Variants in ERC2 observed in about 807,000 individuals in gnomAD.
The protein encoded by ERC2 is ELKS/RAB6-interacting/CAST family member 2.
Under a neutral mutation model 114.8 loss-of-function variants are expected in ERC2, and 42 were observed. The ratio of observed to expected loss-of-function variants is 0.37; its 90% CI spans 0.29 to 0.47. ERC2 has a LOEUF of 0.47. Ranked by LOEUF, ERC2 falls within the 20% of genes least tolerant of loss-of-function variation. The pLI is 0.99. For missense variants in ERC2, 939 were observed against 1,150.7 expected (o/e 0.82, Z 2.66); for synonymous variants, 454 against 425.5 (o/e 1.07, Z -0.82).
At chr3:56,027,225 A>G (rs2074105382) in intron 7 of ERC2, among the ~76,000 whole-genome samples, 1 of 152,026 alleles carries the variant, frequency 6.6e-6, no homozygotes, top group African/African-American at 2.4e-5. Flanking sequence ...GCTGAAGGAC[A>G]TTTCAGTTGT....
At chr3:55,520,433 C>A (rs1377555675) in intron 17 of ERC2, among the ~76,000 whole-genome samples, 813 of 109,244 alleles carry the variant, frequency 7.4e-3, no homozygotes, top group East Asian at 0.011. Context: ...GACTCTGTCT[C>A]AAAAAAAAAA....
At chr3:55,923,092 G>A (rs2316116) in intron 13 of ERC2, among the ~76,000 whole-genome samples, 1 of 151,904 alleles carries the variant, frequency 6.6e-6, no homozygotes, top group African/African-American at 2.4e-5. Flanking sequence ...CTGTTCATAG[G>A]AGCATGATTC....
intron 14 of ERC2, among the ~76,000 whole-genome samples, chr3:55,844,352 G>T (rs1337276123): frequency 6.6e-6 from 1 of 152,124 alleles, no homozygotes; most frequent in African/African-American, 2.4e-5. Flanking sequence ...ATTGAAGAAT[G>T]GAATACAACA....
In ERC2 at chr3:56,080,484, A is replaced by C. The variant is rs2077179555; in HGVS notation, c.1641+333T>G. Among the ~76,000 whole-genome samples, 2 of 152,192 alleles carry C rather than the reference A, an allele frequency of 1.3e-5. 1 individual carries two copies. Among genetic ancestry groups the C allele is most frequent in the South Asian group, 4.1e-4 (2 of 4,832 alleles). On this transcript the variant is annotated intron_variant, in intron 7 of 17. Transcript: ENST00000288221. Reference sequence around the variant, plus strand: ...TAAAATACATTCAGGACCCACAAATACATTGCTAACTCTCAGGAAGAAAAA... The same window carrying C: ...TAAAATACATTCAGGACCCACAAATCCATTGCTAACTCTCAGGAAGAAAAA...
chr3:56,314,541 G>A (rs984124255), intron 2 of ERC2, among the ~76,000 whole-genome samples: 1 of 152,054 alleles, frequency 6.6e-6, no homozygotes, highest in African/African-American at 2.4e-5. Flanking sequence ...GTTTGGCTGT[G>A]TCTATACAAA....
intron 17 of ERC2, among the ~76,000 whole-genome samples, chr3:55,591,498 A>G (rs1240885385): frequency 1.3e-5 from 2 of 152,074 alleles, no homozygotes; most frequent in East Asian, 3.9e-4. Flanking sequence ...GGGCGAAGGC[A>G]GGGCTTGGAA....
intron 17 of ERC2, among the ~76,000 whole-genome samples, chr3:55,591,657 C>T (rs780079475): frequency 1.3e-4 from 19 of 151,784 alleles, no homozygotes; most frequent in Non-Finnish European, 2.6e-4. Flanking sequence ...AACCAAACAT[C>T]CGCAATGAGG....
At chr3:56,374,729 A>T (rs2059477381) in intron 2 of ERC2, among the ~76,000 whole-genome samples, 1 of 152,212 alleles carries the variant, frequency 6.6e-6, no homozygotes, top group African/African-American at 2.4e-5. Flanking sequence ...GACAGAAGGC[A>T]GGAAAGAAGA....
intron 14 of ERC2, among the ~76,000 whole-genome samples, chr3:55,846,931 T>C (rs1156697368): frequency 6.6e-6 from 1 of 152,196 alleles, no homozygotes; most frequent in East Asian, 1.9e-4. Context: ...CACTGCTTCA[T>C]ACATCTGCCT....
chr3:55,714,150 G>T (rs529606965), intron 15 of ERC2, among the ~76,000 whole-genome samples: 1 of 152,238 alleles, frequency 6.6e-6, no homozygotes, highest in South Asian at 2.1e-4. Flanking sequence ...TTCTGGAGGT[G>T]GGTAAAATTC....
At chr3:55,768,156 T>C (rs1468995971) in intron 14 of ERC2, among the ~76,000 whole-genome samples, 3 of 152,356 alleles carry the variant, frequency 2.0e-5, no homozygotes, top group Non-Finnish European at 4.4e-5. Context: ...TGGTACAGCC[T>C]GCAAAACCAT....
intron 11 of ERC2, among the ~76,000 whole-genome samples, chr3:55,991,195 A>G (rs2071033136): frequency 6.6e-6 from 1 of 152,184 alleles, no homozygotes; most frequent in Non-Finnish European, 1.5e-5. Flanking sequence ...AGGGCCTCAC[A>G]AGTGTCTCGA....
chr3:55,699,265 T>A, intron 16 of ERC2, 113 bp downstream of exon 16: 1 of 1,363,058 alleles, frequency 7.3e-7, no homozygotes, highest in South Asian at 1.2e-5. Flanking sequence ...TTAGTTTCAG[T>A]TCAAAGAACG....
At chr3:55,745,731 A>G (rs1559587669) in intron 14 of ERC2, among the ~76,000 whole-genome samples, 2 of 152,182 alleles carry the variant, frequency 1.3e-5, no homozygotes, top group Admixed American at 6.5e-5. Context: ...AACTAAACCT[A>G]TTGTCCATGG....
At chr3:56,103,892 G>A (rs1386666650) in intron 6 of ERC2, among the ~76,000 whole-genome samples, 1 of 152,224 alleles carries the variant, frequency 6.6e-6, no homozygotes, top group South Asian at 2.1e-4. Context: ...TAGAAGAGGT[G>A]AGAAGATACA....
In ERC2 at chr3:56,384,862, T is replaced by C. The variant is rs73832724; in HGVS notation, c.657+49489A>G. Among the ~76,000 whole-genome samples, 685 of 152,290 alleles carry C rather than the reference T, an allele frequency of 4.5e-3. 5 individuals carry two copies. Among genetic ancestry groups the C allele is most frequent in the African/African-American group, 0.016 (650 of 41,578 alleles). Reference sequence around the variant, plus strand: ...GATCTATTTTAATTTTCATATATGATATAAGGTAAGGGTCCAACCTCATTA... The same window carrying C: ...GATCTATTTTAATTTTCATATATGACATAAGGTAAGGGTCCAACCTCATTA... On this transcript the variant is annotated intron_variant, in intron 2 of 17. Coordinates refer to ENST00000288221, the MANE Select transcript of ERC2 (RefSeq NM_015576.3).
At chr3:55,926,506 T>A (rs1298748498) in intron 13 of ERC2, among the ~76,000 whole-genome samples, 1 of 152,058 alleles carries the variant, frequency 6.6e-6, no homozygotes, top group African/African-American at 2.4e-5. Context: ...ATAAATAATA[T>A]TCAGAAACAG....
At chr3:55,614,222 A>G (rs2059032525) in intron 17 of ERC2, among the ~76,000 whole-genome samples, 1 of 152,172 alleles carries the variant, frequency 6.6e-6, no homozygotes, top group Admixed American at 6.5e-5. Context: ...TAGGAAAAAC[A>G]AAAGTTTTAA....
chr3:55,912,580 C>G (rs60360348), intron 13 of ERC2, among the ~76,000 whole-genome samples: 44,730 of 151,932 alleles, frequency 0.29, 7,344 homozygotes, highest in Non-Finnish European at 0.35. Context: ...TAATAAAGAG[C>G]CATTCTAATT....
Sources: gnomAD v4.1 joint callset for allele counts (sites outside exome capture counted in the v4.1 genomes callset) on GRCh38, gnomAD v4.1.1 for gene constraint, MANE v1.5 for transcripts, NCBI Gene and HGNC (gene_info 2026-07-23, HGNC 2026-07-21) for gene names.